Variants in TSPAN9 observed in about 807,000 individuals in gnomAD.
TSPAN9 encodes the protein tetraspanin 9, also known as tetraspanin-9.
TSPAN9 carries 16 observed loss-of-function variants against 31.0 expected under a neutral mutation model. That is an observed-to-expected ratio of 0.52 (90% CI 0.35 to 0.78). The LOEUF (loss-of-function observed/expected upper bound fraction) is 0.78. Among genes scored for constraint, TSPAN9 ranks in the 30% least tolerant of loss-of-function variants. The probability of loss-of-function intolerance (pLI) is 0.01; values close to 1 mark genes in which losing one functional copy is unlikely to be tolerated. For synonymous variants in TSPAN9, 145 were observed against 121.6 expected, an observed-to-expected ratio of 1.19 and a Z score of -1.27; for missense variants, 272 against 312.5, an observed-to-expected ratio of 0.87 and a Z score of 0.98.
intron 3 of TSPAN9, among the ~76,000 whole-genome samples, chr12:3,212,270 T>A: frequency 6.6e-6 from 1 of 152,174 alleles, no homozygotes; most frequent in Non-Finnish European, 1.5e-5. Context: ...ATGACCGGCT[T>A]ATCTTTATAT....
intron 3 of TSPAN9, among the ~76,000 whole-genome samples, chr12:3,276,814 A>G (rs531273739): frequency 1.6e-3 from 245 of 152,278 alleles, no homozygotes; most frequent in Non-Finnish European, 1.7e-3. Flanking sequence ...CTGGCACTGA[A>G]TACGCAGGTG....
chr12:3,260,599 T>G (rs1862430693), intron 3 of TSPAN9, among the ~76,000 whole-genome samples: 1 of 152,226 alleles, frequency 6.6e-6, no homozygotes, highest in East Asian at 1.9e-4. Context: ...CCGTAGGAGA[T>G]GCAAAATGAG....
rs531065303 is a variant in TSPAN9 at position 3,107,467 on chromosome 12, A to G, written c.-18+23748A>G. 3.3e-5 allele frequency among the ~76,000 whole-genome samples: 5 copies of G among 152,058 alleles called. No individual in the cohort carries two copies. The highest frequency in any genetic ancestry group is 7.4e-5 in the Non-Finnish European group (5 of 68,012). ...GGCCTGGGATCTTTCTGAGCCTTAA[A>G]TCTCTGGGTTTCACAGGCTGGGGTG... On this transcript the variant is annotated intron_variant, in intron 2 of 8. Transcript: ENST00000011898. The surrounding 1 kb of genome is among the most constrained non-coding windows in gnomAD (Gnocchi z 4.1).
chr12:3,117,279 C>T (rs988647411), intron 2 of TSPAN9, among the ~76,000 whole-genome samples: 10 of 152,150 alleles, frequency 6.6e-5, no homozygotes, highest in South Asian at 2.1e-4. Flanking sequence ...GTTTTCCTGC[C>T]GTCATTTCCT....
chr12:3,130,581 A>G (rs2098329403), intron 2 of TSPAN9, among the ~76,000 whole-genome samples: 1 of 152,170 alleles, frequency 6.6e-6, no homozygotes, highest in South Asian at 2.1e-4. Flanking sequence ...GGCCTGGGGC[A>G]GGGTGGCAGA....
In TSPAN9 at chr12:3,272,564, G is replaced by A. The variant is rs142135807; in HGVS notation, c.64-5857G>A. Among the ~76,000 whole-genome samples, 316 of 152,040 alleles carry A rather than the reference G, an allele frequency of 2.1e-3. 4 individuals carry two copies. Among genetic ancestry groups the A allele is most frequent in the African/African-American group, 7.1e-3 (296 of 41,438 alleles). ...AGCCACTGCGCCCGGCCGTGTGTGT[G>A]TGTTTAGTGAGGGTAGGCAGCAAGT... On this transcript the variant is annotated intron_variant, in intron 3 of 8. Coordinates refer to ENST00000011898, the MANE Select transcript of TSPAN9 (RefSeq NM_006675.5).
At chr12:3,252,471 T>TC (rs1862261736) in intron 3 of TSPAN9, among the ~76,000 whole-genome samples, 2 of 152,110 alleles carry the variant, frequency 1.3e-5, no homozygotes, top group Non-Finnish European at 2.9e-5. Flanking sequence ...GCCCCTGGGC[T>TC]CCCCCCAGCC....
intron 2 of TSPAN9, among the ~76,000 whole-genome samples, chr12:3,096,874 AT>A (rs1293120054): frequency 1.3e-5 from 2 of 151,662 alleles, no homozygotes; most frequent in East Asian, 3.9e-4. Context: ...GTTTTTTTGT[AT>A]TTTTAGTAGA....
intron 3 of TSPAN9, among the ~76,000 whole-genome samples, chr12:3,248,226 C>T (rs1434913886): frequency 6.6e-6 from 1 of 152,138 alleles, no homozygotes; most frequent in African/African-American, 2.4e-5. Context: ...TGCTGTGGCC[C>T]CCCTAGGCAC....
At chr12:3,253,944 G>A (rs1189352946) in intron 3 of TSPAN9, among the ~76,000 whole-genome samples, 4 of 152,230 alleles carry the variant, frequency 2.6e-5, no homozygotes, top group Admixed American at 2.6e-4. Context: ...GTCCAGGGTG[G>A]AGCCTGTGAA....
At chr12:3,273,844 C>T (rs1862730813) in intron 3 of TSPAN9, among the ~76,000 whole-genome samples, 1 of 152,228 alleles carries the variant, frequency 6.6e-6, no homozygotes, top group Non-Finnish European at 1.5e-5. Context: ...CTGCCATCAC[C>T]TCCTCCCTCC....
chr12:3,214,354 C>T (rs768237615), intron 3 of TSPAN9, among the ~76,000 whole-genome samples: 6 of 152,214 alleles, frequency 3.9e-5, no homozygotes, highest in Admixed American at 6.5e-5. Flanking sequence ...ACCTGGACTA[C>T]GTGTGTGCTC....
chr12:3,150,523 T>C (rs544949962), intron 2 of TSPAN9, among the ~76,000 whole-genome samples: 98 of 152,336 alleles, frequency 6.4e-4, no homozygotes, highest in African/African-American at 2.3e-3. Context: ...CTGAGGCTGA[T>C]ATATACGCAC....
intron 2 of TSPAN9, among the ~76,000 whole-genome samples, chr12:3,157,769 C>A (rs2153969161): frequency 6.6e-6 from 1 of 152,290 alleles, no homozygotes; most frequent in East Asian, 1.9e-4. Flanking sequence ...TTCCCCTTCC[C>A]TGATCAGGTG....
At chr12:3,277,128 C>A (rs749161463) in intron 3 of TSPAN9, among the ~76,000 whole-genome samples, 1 of 152,212 alleles carries the variant, frequency 6.6e-6, no homozygotes, top group African/African-American at 2.4e-5. Context: ...CAATCTAATT[C>A]TCACAGCAGT....
At chr12:3,133,688 A>G (rs1215924281) in intron 2 of TSPAN9, among the ~76,000 whole-genome samples, 3 of 152,164 alleles carry the variant, frequency 2.0e-5, no homozygotes, top group Admixed American at 6.5e-5. Context: ...TTTTCTCCCC[A>G]GGTGGCTCTG....
intron 2 of TSPAN9, among the ~76,000 whole-genome samples, chr12:3,102,395 G>A (rs1458871699): frequency 6.6e-6 from 1 of 151,598 alleles, no homozygotes; most frequent in African/African-American, 2.4e-5. Context: ...CCAAAGTGCT[G>A]GGGTTACAGG....
At position 3,268,061 on chromosome 12, in the gene TSPAN9, C is replaced by T. The variant is rs1387300851; in HGVS notation, c.64-10360C>T. On this transcript the variant is annotated intron_variant, in intron 3 of 8. Coordinates refer to ENST00000011898, the MANE Select transcript of TSPAN9 (RefSeq NM_006675.5). The stretch of plus-strand genomic sequence containing the variant: ...AGTCCCCTCCACCAGCTCAGGGAAG[C>T]GAAGCCTCCAGTGGAGGCCATGACT... Among the ~76,000 whole-genome samples, 5 of 152,214 alleles carry T rather than the reference C, an allele frequency of 3.3e-5. No homozygotes were observed. The East Asian group carries it at 5.8e-4, about 18-fold the overall frequency.
rs768758062 is a variant in TSPAN9, at chr12:3,168,625, A to AT, written c.-17-32551dup. On this transcript the variant is annotated intron_variant, in intron 2 of 8. Transcript: ENST00000011898. This position sits in a 1 kb window ranked among gnomAD's most constrained non-coding sequence, Gnocchi z 4.0. ...TTGTCACTTGCTTGTGAAGTGCTGC[A>AT]TCCAATCTCTTTACGAATGGATGTC... Among the ~76,000 whole-genome samples the AT allele has an allele frequency of 2.9e-4, 44 of 152,328 alleles. No individual in the cohort carries two copies. In the South Asian group the frequency reaches 4.1e-3, roughly 14 times the overall value.
Sources: allele counts gnomAD v4.1 joint callset (sites outside exome capture counted in the v4.1 genomes callset), GRCh38; gene constraint gnomAD v4.1.1; non-coding constraint Gnocchi (gnomAD v3.1); transcripts MANE v1.5; gene names NCBI Gene and HGNC (gene_info 2026-07-23, HGNC 2026-07-21).